STK10: variants seen among roughly 807,000 people sequenced by gnomAD.
The protein encoded by STK10 is serine/threonine-protein kinase 10.
Under a neutral mutation model 113.8 loss-of-function variants are expected in STK10, and 78 were observed. The ratio of observed to expected loss-of-function variants is 0.69; its 90% CI spans 0.57 to 0.83. The LOEUF is 0.83. Ranked by LOEUF, STK10 falls within the 40% of genes least tolerant of loss-of-function variation. The pLI is 0.00. For missense variants in STK10, 1,109 were observed against 1,280.1 expected (o/e 0.87, Z 2.04); for synonymous variants, 465 against 494.7 (o/e 0.94, Z 0.80).
At chr5:172,142,472 C>G (rs1303879780) in intron 2 of STK10, among the ~76,000 whole-genome samples, 1 of 152,164 alleles carries the variant, frequency 6.6e-6, no homozygotes, top group African/African-American at 2.4e-5. Context: ...ACAAGGCAGG[C>G]AGTTAGCAGT....
intron 13 of STK10, among the ~76,000 whole-genome samples, chr5:172,062,375 A>G (rs1248717147): frequency 6.6e-6 from 1 of 152,232 alleles, no homozygotes; most frequent in Admixed American, 6.5e-5. Flanking sequence ...TGTCTATACA[A>G]GTGTATCTAT....
intron 2 of STK10, among the ~76,000 whole-genome samples, chr5:172,148,199 G>A (rs1176865426): frequency 1.3e-5 from 2 of 152,136 alleles, no homozygotes; most frequent in East Asian, 3.9e-4. Flanking sequence ...GAGCTCAGAG[G>A]CACGAAGAGG....
In STK10 at chr5:172,127,345, ACAATGCACCGAATCAAGTAAGACTCAC is replaced by A; in HGVS notation, c.370+1_370+27del. 1 of 1,613,556 alleles carries A rather than the reference ACAATGCACCGAATCAAGTAAGACTCAC, an allele frequency of 6.2e-7. No individual in the cohort carries two copies. The highest frequency in any genetic ancestry group is 8.5e-7 in the Non-Finnish European group (1 of 1,179,654). The stretch of plus-strand genomic sequence containing the variant: ...ACTCCAAACGAGTCGTCTGGTCCCG[ACAATGCACCGAATCAAGTAAGACTCAC>A]CCAGCATGATGGCGTCCACGGCTCC... On this transcript the variant is annotated splice_donor_variant and splice_donor_5th_base_variant and intron_variant, in intron 3 of 18. Coordinates refer to ENST00000176763, the MANE Select transcript of STK10 (RefSeq NM_005990.4). LOFTEE classifies it high-confidence loss of function.
intron 7 of STK10, 122 bp from the exon 8 acceptor site, chr5:172,096,682 A>G: frequency 7.4e-7 from 1 of 1,353,030 alleles, no homozygotes; most frequent in East Asian, 2.3e-5. Flanking sequence ...AAATGTGCAC[A>G]TGAACTTGGA....
intron 18 of STK10, among the ~76,000 whole-genome samples, chr5:172,046,171 C>A (rs375643216): frequency 1.5e-4 from 23 of 151,394 alleles, no homozygotes; most frequent in East Asian, 1.2e-3. Flanking sequence ...ACCAGCCTGG[C>A]CAACAAGGCG....
chr5:172,065,769 T>C lies in STK10; in HGVS notation c.1990-957A>G, dbSNP rs143552857. On this transcript the variant is annotated intron_variant, in intron 12 of 18. Coordinates refer to ENST00000176763, the MANE Select transcript of STK10 (RefSeq NM_005990.4). ...CTGCTGTCCTCTGGGGTTGTTAAAC[T>C]GGAGGGATGAAGGCCAAGGTGAGTC... Among the ~76,000 whole-genome samples the C allele has an allele frequency of 1.9e-3, 295 of 152,118 alleles. 1 individual carries two copies. The highest frequency in any genetic ancestry group is 6.9e-3 in the African/African-American group (286 of 41,504).
At chr5:172,168,650 A>G (rs1379829095) in intron 1 of STK10, among the ~76,000 whole-genome samples, 1 of 152,162 alleles carries the variant, frequency 6.6e-6, no homozygotes, top group South Asian at 2.1e-4. Flanking sequence ...TGAAGTACAC[A>G]GAGGTACCAC....
rs575686706 is a variant in STK10 at position 172,078,850 on chromosome 5, G to A, written c.1989+3476C>T. Among the ~76,000 whole-genome samples the A allele has an allele frequency of 1.4e-4, 22 of 152,038 alleles. 1 individual carries two copies. In the East Asian group the frequency reaches 4.1e-3, roughly 28 times the overall value. On this transcript the variant is annotated intron_variant, in intron 12 of 18. Coordinates refer to ENST00000176763, the MANE Select transcript of STK10 (RefSeq NM_005990.4). ...GGAAGTCCAACTTTGTTAAGGGCAA[G>A]TTCTGGGAAAGGGTGAGGAGATCTG... is the stretch of plus-strand genomic sequence containing the variant.
intron 10 of STK10, 65 bp downstream of exon 10, chr5:172,090,167 A>G: frequency 6.3e-7 from 1 of 1,589,746 alleles, no homozygotes; most frequent in South Asian, 1.1e-5. Context: ...CCAAAGGACC[A>G]ATGCCCACTC....
At chr5:172,128,862 C>G (rs1338348768) in intron 2 of STK10, among the ~76,000 whole-genome samples, 1 of 152,224 alleles carries the variant, frequency 6.6e-6, no homozygotes, top group Non-Finnish European at 1.5e-5. Context: ...AGAGACAGCT[C>G]TCCAGCCAGA....
intron 1 of STK10, among the ~76,000 whole-genome samples, chr5:172,184,649 G>A (rs1305427774): frequency 1.3e-5 from 2 of 151,786 alleles, no homozygotes; most frequent in Non-Finnish European, 2.9e-5. Flanking sequence ...GTCACTTTTT[G>A]TTTTTATTGT....
At chr5:172,175,330 CA>C (rs1263194778) in intron 1 of STK10, among the ~76,000 whole-genome samples, 1 of 151,984 alleles carries the variant, frequency 6.6e-6, no homozygotes, top group African/African-American at 2.4e-5. Flanking sequence ...AAATGCATCA[CA>C]GGGGAAGCAG....
chr5:172,183,005 A>T (rs181327506), intron 1 of STK10, among the ~76,000 whole-genome samples: 1 of 152,140 alleles, frequency 6.6e-6, no homozygotes, highest in East Asian at 1.9e-4. Flanking sequence ...CTAGGAGTTC[A>T]AGACCAACCT....
At position 172,117,602 on chromosome 5, in the gene STK10, C is replaced by A. The variant is rs1024764707; in HGVS notation, c.399G>T (p.Gln133His). 2 of 1,614,092 alleles carry A rather than the reference C, an allele frequency of 1.2e-6. No homozygotes were observed. Among genetic ancestry groups the A allele is most frequent in the Admixed American group, 1.7e-5 (1 of 60,024 alleles). ...LELDRGLTEP[Q>H]IQVVCRQMLE... The stretch of plus-strand genomic sequence containing the variant: ...GCATCTGGCGGCAAACCACCTGTAT[C>A]TGGGGCTCCGTGAGGCCTCTGTCCA... The change falls in exon 4 of 19, where the codon CAG becomes CAT. Residue 133 changes from glutamine (Q) to histidine (H), a missense_variant. Physicochemically the swap from Gln to His is conservative, Grantham distance 24. Transcript: ENST00000176763.
chr5:172,126,497 G>A (rs1482540548), intron 3 of STK10, among the ~76,000 whole-genome samples: 2 of 152,148 alleles, frequency 1.3e-5, no homozygotes, highest in Non-Finnish European at 2.9e-5. Context: ...CCGGGAGGTG[G>A]AGGTTACAGT....
Position 172,064,815 on chromosome 5 carries a change from G to A in STK10, c.1990-3C>T, listed in dbSNP as rs759046551. 3 of 1,613,924 alleles carry A rather than the reference G, an allele frequency of 1.9e-6. No individual in the cohort carries two copies. In the African/African-American group the frequency reaches 4.0e-5, roughly 22 times the overall value. ...AGCTTCTCCACCTCGTTCTTCACCTGCAGCAGAGACAGCAGAGAGTAGCTG... is the reference window on the plus strand; with the variant it reads ...AGCTTCTCCACCTCGTTCTTCACCTACAGCAGAGACAGCAGAGAGTAGCTG... On this transcript the variant is annotated splice_polypyrimidine_tract_variant and splice_region_variant and intron_variant, in intron 12 of 18. Transcript: ENST00000176763.
intron 18 of STK10, among the ~76,000 whole-genome samples, chr5:172,047,901 T>G (rs1021097898): frequency 2.9e-5 from 4 of 138,520 alleles, no homozygotes; most frequent in Non-Finnish European, 6.1e-5. Flanking sequence ...TTTTTTGGGT[T>G]TTTTTTTTTT....
At chr5:172,122,464 A>G (rs151264624) in intron 3 of STK10, among the ~76,000 whole-genome samples, 1 of 152,306 alleles carries the variant, frequency 6.6e-6, no homozygotes, top group East Asian at 1.9e-4. Context: ...TTTGAGTCCA[A>G]TACATTTTTA....
At chr5:172,140,329 G>C (rs967040962) in intron 2 of STK10, among the ~76,000 whole-genome samples, 2 of 152,236 alleles carry the variant, frequency 1.3e-5, no homozygotes, top group Non-Finnish European at 2.9e-5. Context: ...GGGAGCACTT[G>C]CACACTGTTG....
Sources: allele counts gnomAD v4.1 joint callset (sites outside exome capture counted in the v4.1 genomes callset), GRCh38; gene constraint gnomAD v4.1.1; transcripts MANE v1.5; gene names NCBI Gene and HGNC (gene_info 2026-07-23, HGNC 2026-07-21).